FBLN7: variants seen among roughly 807,000 people sequenced by gnomAD.
FBLN7 encodes fibulin-7.
In FBLN7, 31 loss-of-function variants were observed where a neutral mutation model predicts 44.0. The observed-to-expected ratio is 0.70, with a 90% CI of 0.53 to 0.95. FBLN7 has a LOEUF of 0.95. Among genes scored for constraint, FBLN7 ranks in the 40% least tolerant of loss-of-function variants. The probability of loss-of-function intolerance (pLI) is 0.00; values close to 1 mark genes in which losing one functional copy is unlikely to be tolerated. For synonymous variants in FBLN7, 262 were observed against 253.4 expected (o/e 1.03, Z -0.32); for missense variants, 573 against 618.5 (o/e 0.93, Z 0.78).
At chr2:112,146,732 A>T (rs1364375453) in intron 1 of FBLN7, among the ~76,000 whole-genome samples, 1 of 152,116 alleles carries the variant, frequency 6.6e-6, no homozygotes, top group African/African-American at 2.4e-5. Flanking sequence ...TTTTACATGG[A>T]CAATCATGTC....
chr2:112,226,404 C>T, the FBLN7 span, among the ~76,000 whole-genome samples: 492 of 151,630 alleles, frequency 3.2e-3, no homozygotes, highest in Non-Finnish European at 5.6e-3. Context: ...CTGGCTAACA[C>T]GGTGAAACCC....
chr2:112,216,429 C>T, the FBLN7 span: 3 of 152,226 alleles, frequency 2.0e-5, no homozygotes, highest in African/African-American at 4.8e-5. Flanking sequence ...GTCTTGAACA[C>T]GCATGGGCGT....
At position 112,163,990 on chromosome 2, in the gene FBLN7, G is replaced by A. The variant is rs577259155; in HGVS notation, c.236-1011G>A. 6.8e-4 allele frequency among the ~76,000 whole-genome samples: 104 copies of A among 152,162 alleles called. 1 individual carries two copies. Among genetic ancestry groups the A allele is most frequent in the African/African-American group, 2.5e-3 (102 of 41,510 alleles). ...CTGGCTGTGCCTTCACCTTCAACTC[G>A]TTCTGGTGAGGCCTGCCCTGACCAC... On this transcript the variant is annotated intron_variant, in intron 2 of 7. Transcript: ENST00000331203.
intron 1 of FBLN7, among the ~76,000 whole-genome samples, chr2:112,150,559 C>G (rs1286969296): frequency 2.0e-5 from 3 of 152,080 alleles, no homozygotes; most frequent in African/African-American, 7.2e-5. Flanking sequence ...ACAACTATGT[C>G]CTGAGAGGCT....
the FBLN7 span, among the ~76,000 whole-genome samples, chr2:112,231,577 A>T: frequency 6.6e-6 from 1 of 152,198 alleles, no homozygotes; most frequent in Non-Finnish European, 1.5e-5. Flanking sequence ...AGCTTAGCTT[A>T]GCTATTAAAA....
At chr2:112,204,273 CAAAA>C in the FBLN7 span, among the ~76,000 whole-genome samples, 2 of 99,174 alleles carry the variant, frequency 2.0e-5, no homozygotes, top group African/African-American at 3.8e-5. Flanking sequence ...GCTTGAGGAA[CAAAA>C]AAAAAAAAAG....
the FBLN7 span, among the ~76,000 whole-genome samples, chr2:112,204,280 A>G: frequency 6.6e-6 from 1 of 151,878 alleles, no homozygotes; most frequent in African/African-American, 2.4e-5. Context: ...GAACAAAAAA[A>G]AAAAAAGAAA....
At chr2:112,180,495 T>C (rs1205612162) in intron 4 of FBLN7, among the ~76,000 whole-genome samples, 1 of 152,176 alleles carries the variant, frequency 6.6e-6, no homozygotes, top group Admixed American at 6.5e-5. Context: ...TTACTGGGTA[T>C]ATACCCAGAG....
the FBLN7 span, chr2:112,230,821 T>G: frequency 9.0e-5 from 77 of 855,532 alleles, no homozygotes; most frequent in Non-Finnish European, 1.1e-4. Flanking sequence ...TACTTCTATT[T>G]GAGAACCCTA....
the FBLN7 span, among the ~76,000 whole-genome samples, chr2:112,204,374 G>C: frequency 1.1e-4 from 16 of 151,656 alleles, no homozygotes; most frequent in Admixed American, 1.1e-3. Flanking sequence ...GGAGAAGATA[G>C]TAAGAAAAGA....
At chr2:112,232,466 A>C in the FBLN7 span, among the ~76,000 whole-genome samples, 12 of 152,098 alleles carry the variant, frequency 7.9e-5, no homozygotes, top group Admixed American at 7.9e-4. Flanking sequence ...ATGACAGGAC[A>C]TTTTTTTCCT....
At chr2:112,164,461 GTGTC>G (rs895919415) in intron 2 of FBLN7, among the ~76,000 whole-genome samples, 2 of 152,234 alleles carry the variant, frequency 1.3e-5, no homozygotes, top group African/African-American at 2.4e-5. Flanking sequence ...CTGGGGAAGA[GTGTC>G]TGGGGAGGTC....
intron 2 of FBLN7, among the ~76,000 whole-genome samples, chr2:112,162,987 G>A (rs1451298798): frequency 1.3e-5 from 2 of 152,202 alleles, no homozygotes; most frequent in Non-Finnish European, 2.9e-5. Context: ...CCGAGTCCTG[G>A]GATGTGAGCT....
At chr2:112,139,423 C>T (rs1368185858) in intron 1 of FBLN7, among the ~76,000 whole-genome samples, 2 of 20,328 alleles carry the variant, frequency 9.8e-5, no homozygotes, top group Non-Finnish European at 8.6e-5. Context: ...TCTCTCCAGG[C>T]CAGTGTCCCT....
At chr2:112,176,055 C>A in intron 4 of FBLN7, 1 of 419,822 alleles carries the variant, frequency 2.4e-6, no homozygotes. Flanking sequence ...TTTGACCCTT[C>A]TTATAGTAGA....
chr2:112,202,256 A>G, the FBLN7 span, among the ~76,000 whole-genome samples: 6 of 152,282 alleles, frequency 3.9e-5, no homozygotes, highest in East Asian at 3.9e-4. Context: ...TCTGAGTGCA[A>G]TTGCGTTCCC....
At chr2:112,199,871 T>C in the FBLN7 span, among the ~76,000 whole-genome samples, 1 of 152,190 alleles carries the variant, frequency 6.6e-6, no homozygotes, top group Non-Finnish European at 1.5e-5. Context: ...TCTCTGGCTC[T>C]CCTGCTGTTG....
the FBLN7 span, among the ~76,000 whole-genome samples, chr2:112,197,231 GAA>G: frequency 4.9e-5 from 3 of 61,372 alleles, no homozygotes; most frequent in Admixed American, 3.3e-4. Context: ...ATCCGTAAGA[GAA>G]AACACACACA....
downstream of FBLN7, among the ~76,000 whole-genome samples, chr2:112,192,197 A>G (rs1420167799): frequency 6.6e-6 from 1 of 152,230 alleles, no homozygotes; most frequent in East Asian, 1.9e-4. Context: ...AAAATATTGC[A>G]GCAATATGCA....
Sources: gnomAD v4.1 joint callset for allele counts (sites outside exome capture counted in the v4.1 genomes callset) on GRCh38, gnomAD v4.1.1 for gene constraint, MANE v1.5 for transcripts, NCBI Gene and HGNC (gene_info 2026-07-23, HGNC 2026-07-21) for gene names.